The following UBIAD1 variants were observed in gnomAD, a reference collection of about 807,000 sequenced individuals.
UBIAD1 encodes the protein UbiA prenyltransferase domain containing 1.
A neutral mutation model predicts 20.1 loss-of-function variants in UBIAD1; 12 were observed. The observed-to-expected ratio is 0.60, with a 90% CI of 0.38 to 0.97. The LOEUF is 0.97. Among genes scored for constraint, UBIAD1 ranks in the 50% least tolerant of loss-of-function variants. The pLI, the probability that UBIAD1 is intolerant of heterozygous loss-of-function variation, is 0.00. For missense variants in UBIAD1, 333 were observed against 419.5 expected (o/e 0.79, Z 1.80); for synonymous variants, 207 against 189.2 (o/e 1.09, Z -0.77).
At chr1:11,291,101 A>G (rs1245528782), downstream of UBIAD1, among the ~76,000 whole-genome samples, 3 of 152,240 alleles carry the variant, frequency 2.0e-5, no homozygotes, top group African/African-American at 7.2e-5. Context: ...CTGAGCTAGA[A>G]TTAACAGGAG....
chr1:11,290,754 G>A (rs1264396967), downstream of UBIAD1, among the ~76,000 whole-genome samples: 1 of 152,196 alleles, frequency 6.6e-6, no homozygotes, highest in East Asian at 1.9e-4. Context: ...CGAGATGGGT[G>A]GATCACTTGA....
chr1:11,280,608 A>G (rs1652209866), intron 1 of UBIAD1, among the ~76,000 whole-genome samples: 1 of 152,158 alleles, frequency 6.6e-6, no homozygotes, highest in African/African-American at 2.4e-5. Context: ...ATTTTGCTCA[A>G]TGGCAGCTTC....
At chr1:11,293,075 A>G (rs967593148), downstream of UBIAD1, among the ~76,000 whole-genome samples, 1 of 152,154 alleles carries the variant, frequency 6.6e-6, no homozygotes. Context: ...GAAAGGCTGT[A>G]ATTGCAAGGC....
At chr1:11,296,981 A>G (rs1638458938), downstream of UBIAD1, among the ~76,000 whole-genome samples, 1 of 152,228 alleles carries the variant, frequency 6.6e-6, no homozygotes, top group Admixed American at 6.5e-5. Flanking sequence ...ACATGTATTG[A>G]GCACCTGATA....
chr1:11,299,518 C>G (rs752737292), downstream of UBIAD1, among the ~76,000 whole-genome samples: 6 of 152,216 alleles, frequency 3.9e-5, no homozygotes, highest in Non-Finnish European at 8.8e-5. Context: ...AAAGCGTGAT[C>G]GGTTGCCTTT....
downstream of UBIAD1, chr1:11,295,936 C>T (rs1638440339): frequency 6.6e-6 from 1 of 152,218 alleles, no homozygotes; most frequent in Non-Finnish European, 1.5e-5. Context: ...ATCCTTAAAG[C>T]CCCTCTGAAG....
chr1:11,273,600 C>T lies in UBIAD1; in HGVS notation c.69C>T (p.Asp23=), dbSNP rs766155628. 6.2e-6 allele frequency: 10 copies of T among 1,613,916 alleles called. No individual in the cohort carries two copies. Among genetic ancestry groups the T allele is most frequent in the Non-Finnish European group, 8.5e-6 (10 of 1,180,046 alleles). Reference sequence around the variant, plus strand: ...CGGGAGAGACTGTCAAAGCTGGGGACAGGGACCCGCTGGGGAACGACTGTC... The same window carrying T: ...CGGGAGAGACTGTCAAAGCTGGGGATAGGGACCCGCTGGGGAACGACTGTC... ...ILSGETVKAG[D]RDPLGNDCPE... The change falls in exon 1 of 2, where the codon GAC becomes GAT. Residue 23 remains aspartate (D), a synonymous_variant. Coordinates refer to ENST00000376810, the MANE Select transcript of UBIAD1 (RefSeq NM_013319.3). This position sits in a 1 kb window ranked among gnomAD's most constrained non-coding sequence, Gnocchi z 4.9.
At chr1:11,294,379 C>A (rs190794668) in intron 1 of UBIAD1, among the ~76,000 whole-genome samples, 1 of 152,150 alleles carries the variant, frequency 6.6e-6, no homozygotes, top group Non-Finnish European at 1.5e-5. Flanking sequence ...AAACTCCTGG[C>A]CTCAAGCAGT....
rs751983463 is a variant in UBIAD1, at chr1:11,285,755, C to T, written c.641C>T (p.Pro214Leu). 1 of 1,614,162 alleles carries T rather than the reference C, an allele frequency of 6.2e-7. No homozygotes were observed. The highest frequency in any genetic ancestry group is 2.2e-5 in the East Asian group (1 of 44,876). Residue 214 changes from proline to leucine, a missense_variant, in exon 2 of 2, where the codon CCA becomes CTA. Pro to Leu is a moderately conservative substitution (Grantham distance 98). Coordinates refer to ENST00000376810, the MANE Select transcript of UBIAD1 (RefSeq NM_013319.3). This position sits in a 1 kb window ranked among gnomAD's most constrained non-coding sequence, Gnocchi z 4.4. ...AIQVGSLAIFPLVYAIPLALS... is the reference protein window; with the variant it reads ...AIQVGSLAIFLLVYAIPLALS... ...CAGGTGGGGTCCCTGGCCATCTTCC[C>T]ACTGGTCTATGCCATCCCCCTCGCC...
At chr1:11,297,782 A>G (rs914063777), downstream of UBIAD1, among the ~76,000 whole-genome samples, 10 of 152,182 alleles carry the variant, frequency 6.6e-5, no homozygotes, top group Admixed American at 3.9e-4. Context: ...GTGGTCTTAC[A>G]TGTGGCTGTG....
rs938920599 is a variant in UBIAD1 at position 11,273,796 on chromosome 1, G to T, written c.265G>T (p.Val89Leu). Residue 89 changes from valine (V) to leucine (L), a missense_variant, in exon 1 of 2, where the codon GTG (valine) becomes TTG (leucine). Transcript: ENST00000376810. This position sits in a 1 kb window ranked among gnomAD's most constrained non-coding sequence, Gnocchi z 4.9. Reference sequence around the variant, plus strand: ...TCCCAGGCTCTTGGTGGGTTGTGCCGTGGCTGTCCTGGCTGTGCACGGGGC... The same window carrying T: ...TCCCAGGCTCTTGGTGGGTTGTGCCTTGGCTGTCCTGGCTGTGCACGGGGC... ...LDPRLLVGCAVAVLAVHGAGN... is the reference protein window; with the variant it reads ...LDPRLLVGCALAVLAVHGAGN... The T allele has an allele frequency of 6.2e-7, 1 of 1,614,090 alleles. No individual in the cohort carries two copies. Among genetic ancestry groups the T allele is most frequent in the Admixed American group, 1.7e-5 (1 of 60,024 alleles).
At chr1:11,280,097 CT>C (rs1214204750) in intron 1 of UBIAD1, among the ~76,000 whole-genome samples, 2 of 152,184 alleles carry the variant, frequency 1.3e-5, no homozygotes, top group Non-Finnish European at 2.9e-5. Flanking sequence ...AAGAGGCTGT[CT>C]TTGTGAAAGT....
At chr1:11,274,145 C>T in intron 1 of UBIAD1, 85 bp downstream of exon 1, 1 of 1,537,256 alleles carries the variant, frequency 6.5e-7, no homozygotes, top group East Asian at 2.3e-5. Context: ...ATAGGGATGT[C>T]AAAGGTGGCT....
At chr1:11,294,928 C>T (rs1238103960) in exon 2 of UBIAD1, 2 of 717,526 alleles carry the variant, frequency 2.8e-6, no homozygotes, top group Admixed American at 2.0e-5. Flanking sequence ...AGTGCTCAAG[C>T]TCCCAGAAAC....
Position 11,273,852 on chromosome 1 carries a change from T to C in UBIAD1, c.321T>C (p.Phe107=). The change falls in exon 1 of 2, where the codon TTT becomes TTC. Residue 107 remains phenylalanine, a synonymous_variant. Coordinates refer to ENST00000376810, the MANE Select transcript of UBIAD1 (RefSeq NM_013319.3). The surrounding 1 kb of genome is among the most constrained non-coding windows in gnomAD (Gnocchi z 4.9). Reference sequence around the variant, plus strand: ...ATTTGGTCAACACTTACTATGACTTTTCCAAGGGCATTGACCACAAAAAGA... The same window carrying C: ...ATTTGGTCAACACTTACTATGACTTCTCCAAGGGCATTGACCACAAAAAGA... ...AGNLVNTYYD[F]SKGIDHKKSD... 1 of 1,614,168 alleles carries C rather than the reference T, an allele frequency of 6.2e-7. No individual in the cohort carries two copies. Among genetic ancestry groups the C allele is most frequent in the South Asian group, 1.1e-5 (1 of 91,076 alleles).
intron 1 of UBIAD1, among the ~76,000 whole-genome samples, chr1:11,294,085 T>C (rs2101029013): frequency 6.6e-6 from 1 of 152,324 alleles, no homozygotes; most frequent in African/African-American, 2.4e-5. Context: ...GTAATAAAGC[T>C]GTCATTTGTT....
chr1:11,291,761 A>T (rs1638371581), downstream of UBIAD1, among the ~76,000 whole-genome samples: 1 of 152,104 alleles, frequency 6.6e-6, no homozygotes, highest in African/African-American at 2.4e-5. Context: ...CACTTTGAAG[A>T]TGTTATCAAC....
At chr1:11,288,636 G>A (rs1638312201), downstream of UBIAD1, among the ~76,000 whole-genome samples, 1 of 152,206 alleles carries the variant, frequency 6.6e-6, no homozygotes, top group African/African-American at 2.4e-5. Flanking sequence ...GACTGGGCAT[G>A]GTGGCTCACG....
downstream of UBIAD1, chr1:11,295,500 CAA>C (rs58623594): frequency 0.027 from 4,208 of 153,098 alleles, 192 homozygotes; most frequent in African/African-American, 0.096. Flanking sequence ...GAGAAACAAA[CAA>C]GAGAGAATGG....
Sources: gnomAD v4.1 joint callset for allele counts (sites outside exome capture counted in the v4.1 genomes callset) on GRCh38, gnomAD v4.1.1 for gene constraint, Gnocchi (gnomAD v3.1) non-coding constraint, MANE v1.5 for transcripts, NCBI Gene and HGNC (gene_info 2026-07-23, HGNC 2026-07-21) for gene names.